The following SORCS2 variants were observed in gnomAD, a reference collection of about 807,000 sequenced individuals.
SORCS2 encodes sortilin related VPS10 domain containing receptor 2.
SORCS2 carries 100 observed loss-of-function variants against 141.6 expected under a neutral mutation model. That is an observed-to-expected ratio of 0.71 (90% CI 0.60 to 0.83). The LOEUF is 0.83. Ranked by LOEUF, SORCS2 falls within the 40% of genes least tolerant of loss-of-function variation. SORCS2 has a pLI of 0.00. For synonymous variants in SORCS2, 789 were observed against 676.9 expected (o/e 1.17, Z -2.57); for missense variants, 1,646 against 1,560.2 (o/e 1.05, Z -0.93).
intron 3 of SORCS2, among the ~76,000 whole-genome samples, chr4:7,595,134 T>C (rs1324644170): frequency 6.6e-6 from 1 of 152,182 alleles, no homozygotes; most frequent in Non-Finnish European, 1.5e-5. Context: ...CACGGCCTCC[T>C]CCTCGTGTGT....
chr4:7,500,714 C>A (rs1160058782), intron 2 of SORCS2, among the ~76,000 whole-genome samples: 4 of 152,236 alleles, frequency 2.6e-5, no homozygotes, highest in South Asian at 4.2e-4. Flanking sequence ...GCTTTTACAT[C>A]GCACGTCGTC....
intron 5 of SORCS2, among the ~76,000 whole-genome samples, chr4:7,656,263 G>A (rs1721768863): frequency 6.6e-6 from 1 of 152,240 alleles, no homozygotes; most frequent in Non-Finnish European, 1.5e-5. Context: ...CAGGTGCCCT[G>A]ATACCTGCTG....
chr4:7,686,645 G>A (rs368143585), intron 10 of SORCS2, among the ~76,000 whole-genome samples: 34 of 152,350 alleles, frequency 2.2e-4, no homozygotes, highest in African/African-American at 7.5e-4. Context: ...CACCCAAGGC[G>A]GGTTCTGGGG....
At chr4:7,733,625 C>G (rs757506509) in intron 24 of SORCS2, among the ~76,000 whole-genome samples, 18 of 152,340 alleles carry the variant, frequency 1.2e-4, no homozygotes, top group African/African-American at 4.3e-4. Context: ...ACTGCTCTTA[C>G]CTGATACCCA....
chr4:7,704,804 C>T (rs778181899), intron 14 of SORCS2, among the ~76,000 whole-genome samples: 1 of 152,196 alleles, frequency 6.6e-6, no homozygotes, highest in African/African-American at 2.4e-5. Context: ...CCGCTGCGGC[C>T]GCAATGGGAG....
chr4:7,452,594 C>T (rs1281274391), intron 2 of SORCS2, among the ~76,000 whole-genome samples: 2 of 152,246 alleles, frequency 1.3e-5, no homozygotes, highest in Admixed American at 6.5e-5. Context: ...CTGCTGACTC[C>T]TGGACCAGAG....
intron 1 of SORCS2, among the ~76,000 whole-genome samples, chr4:7,259,628 A>G (rs1038843497): frequency 1.3e-5 from 2 of 152,152 alleles, no homozygotes; most frequent in Non-Finnish European, 2.9e-5. Context: ...TTGATGTAGC[A>G]GTACCCGCCT....
intron 2 of SORCS2, among the ~76,000 whole-genome samples, chr4:7,489,917 G>T (rs551572105): frequency 6.6e-6 from 1 of 152,206 alleles, no homozygotes; most frequent in Non-Finnish European, 1.5e-5. Context: ...AGCAGAGAAG[G>T]GTGTCCTGTG....
intron 13 of SORCS2, 35 bp from the exon 14 acceptor site, chr4:7,704,142 C>G: frequency 6.3e-7 from 1 of 1,585,760 alleles, no homozygotes; most frequent in East Asian, 2.3e-5. Context: ...GCTTTCCAGC[C>G]CACCCCAGAG....
intron 2 of SORCS2, among the ~76,000 whole-genome samples, chr4:7,422,533 C>G (rs1726147972): frequency 6.6e-6 from 1 of 152,134 alleles, no homozygotes; most frequent in Non-Finnish European, 1.5e-5. Context: ...CAAGTCAGAG[C>G]TGGGGGCAGA....
At chr4:7,581,634 G>GGGT (rs1716153114) in intron 3 of SORCS2, among the ~76,000 whole-genome samples, 1 of 152,180 alleles carries the variant, frequency 6.6e-6, no homozygotes, top group African/African-American at 2.4e-5. Flanking sequence ...CAGGACAGGA[G>GGGT]CCCTCACGCA....
intron 1 of SORCS2, among the ~76,000 whole-genome samples, chr4:7,392,076 G>C (rs1481205964): frequency 6.6e-6 from 1 of 152,244 alleles, no homozygotes; most frequent in Non-Finnish European, 1.5e-5. Context: ...CAACAGCAGA[G>C]CATGAAACCA....
At chr4:7,504,678 A>G (rs1345527894) in intron 2 of SORCS2, among the ~76,000 whole-genome samples, 1 of 152,190 alleles carries the variant, frequency 6.6e-6, no homozygotes, top group Non-Finnish European at 1.5e-5. Context: ...AGCTTGTTAA[A>G]TGCTATATGC....
At chr4:7,673,477 G>C (rs966398343) in intron 8 of SORCS2, among the ~76,000 whole-genome samples, 2 of 152,206 alleles carry the variant, frequency 1.3e-5, no homozygotes, top group African/African-American at 4.8e-5. Context: ...GTCATTAAAA[G>C]TGCTGTGTAT....
chr4:7,280,783 T>C lies in SORCS2; in HGVS notation c.480+87657T>C, dbSNP rs146357029. On this transcript the variant is annotated intron_variant, in intron 1 of 26. Coordinates refer to ENST00000507866, the MANE Select transcript of SORCS2 (RefSeq NM_020777.3). ...AGATGACTAGTACTGCATACGATGATTGTAGCAAGGGATGGATGCGCTACA... is the reference window on the plus strand; with the variant it reads ...AGATGACTAGTACTGCATACGATGACTGTAGCAAGGGATGGATGCGCTACA... Among the ~76,000 whole-genome samples the C allele has an allele frequency of 7.2e-5, 11 of 152,304 alleles. No homozygotes were observed. The East Asian group carries it at 2.1e-3, about 29-fold the overall frequency.
chr4:7,729,338 C>T (rs1279687987), intron 22 of SORCS2, among the ~76,000 whole-genome samples: 2 of 152,028 alleles, frequency 1.3e-5, no homozygotes, highest in African/African-American at 4.8e-5. Context: ...CCAGGCCTGG[C>T]CAAGGGGAGG....
intron 2 of SORCS2, among the ~76,000 whole-genome samples, chr4:7,424,583 C>T (rs889565447): frequency 2.6e-5 from 4 of 152,188 alleles, no homozygotes; most frequent in Non-Finnish European, 5.9e-5. Context: ...TCCTCTTTGC[C>T]GCTCCTCACC....
chr4:7,420,789 A>G (rs1207570248), intron 2 of SORCS2, among the ~76,000 whole-genome samples: 3 of 152,114 alleles, frequency 2.0e-5, no homozygotes, highest in Non-Finnish European at 4.4e-5. Context: ...CTTATCCACC[A>G]TGCCCCACCA....
chr4:7,320,344 T>A (rs1228618874), intron 1 of SORCS2, among the ~76,000 whole-genome samples: 1 of 152,192 alleles, frequency 6.6e-6, no homozygotes, highest in Non-Finnish European at 1.5e-5. Flanking sequence ...CCTTCTACCA[T>A]CCAGAGATGT....
Sources: allele counts gnomAD v4.1 joint callset (sites outside exome capture counted in the v4.1 genomes callset), GRCh38; gene constraint gnomAD v4.1.1; transcripts MANE v1.5; gene names NCBI Gene and HGNC (gene_info 2026-07-23, HGNC 2026-07-21).